Variants in EIF2S1 observed in about 807,000 individuals in gnomAD.
EIF2S1 encodes eukaryotic translation initiation factor 2 subunit 1.
In EIF2S1, 5 loss-of-function variants were observed where a neutral mutation model predicts 33.5. The ratio of observed to expected loss-of-function variants is 0.15; its 90% CI spans 0.08 to 0.31. The LOEUF (loss-of-function observed/expected upper bound fraction) is 0.31, where lower values mean the gene tolerates loss of function less well. Ranked by LOEUF, EIF2S1 falls within the 10% of genes least tolerant of loss-of-function variation. The pLI is 1.00. For synonymous variants in EIF2S1, 99 were observed against 127.5 expected, an observed-to-expected ratio of 0.78 and a Z score of 1.51; for missense variants, 191 against 384.6, an observed-to-expected ratio of 0.50 and a Z score of 4.21.
chr14:67,362,552 C>T (rs562203790), intron 1 of EIF2S1, among the ~76,000 whole-genome samples: 55 of 152,166 alleles, frequency 3.6e-4, no homozygotes, highest in African/African-American at 1.1e-3. Flanking sequence ...AGGATGTTAT[C>T]TTTCCCAAGC....
At chr14:67,362,973 C>CA (rs2085752614) in intron 1 of EIF2S1, among the ~76,000 whole-genome samples, 2 of 152,256 alleles carry the variant, frequency 1.3e-5, no homozygotes, top group South Asian at 4.1e-4. Flanking sequence ...CTTCAGGATT[C>CA]TCTTACATGA....
intron 2 of EIF2S1, among the ~76,000 whole-genome samples, chr14:67,365,270 A>G (rs1431050035): frequency 6.6e-6 from 1 of 152,218 alleles, no homozygotes; most frequent in Non-Finnish European, 1.5e-5. Flanking sequence ...GATCTTGATA[A>G]TTGACTCATG....
intron 2 of EIF2S1, among the ~76,000 whole-genome samples, chr14:67,369,219 G>A (rs904008694): frequency 1.3e-5 from 2 of 152,132 alleles, no homozygotes; most frequent in African/African-American, 4.8e-5. Flanking sequence ...AGGAGACAGT[G>A]TCTATTAATA....
chr14:67,363,090 GTCTTGCAACTGTTCCATACATT>G (rs1169809810), intron 1 of EIF2S1, among the ~76,000 whole-genome samples: 27 of 152,152 alleles, frequency 1.8e-4, no homozygotes, highest in Admixed American at 3.9e-4. Flanking sequence ...CTGGTCAAAT[GTCTTGCAACTGTTCCATACATT>G]TCTGTAACAT....
intron 5 of EIF2S1, among the ~76,000 whole-genome samples, chr14:67,381,207 C>A (rs952765578): frequency 6.6e-6 from 1 of 152,182 alleles, no homozygotes; most frequent in Admixed American, 6.5e-5. Context: ...TAAACCTTAA[C>A]ATAAACCCGT....
intron 2 of EIF2S1, among the ~76,000 whole-genome samples, chr14:67,372,545 T>A (rs1476037242): frequency 6.6e-6 from 1 of 152,168 alleles, no homozygotes; most frequent in Non-Finnish European, 1.5e-5. Context: ...AAATCCTGTA[T>A]CTAGGCTGGG....
intron 3 of EIF2S1, among the ~76,000 whole-genome samples, chr14:67,375,238 G>C (rs1207322550): frequency 7.2e-5 from 3 of 41,424 alleles, no homozygotes; most frequent in African/African-American, 2.6e-4. Context: ...AGTTCTGTGT[G>C]TGTGTGTGTG....
At chr14:67,373,017 A>G (rs766972209) in intron 2 of EIF2S1, among the ~76,000 whole-genome samples, 2 of 152,214 alleles carry the variant, frequency 1.3e-5, no homozygotes, top group African/African-American at 2.4e-5. Context: ...CCACTGCACA[A>G]TCAATAGATT....
intron 4 of EIF2S1, among the ~76,000 whole-genome samples, chr14:67,379,839 A>G (rs1351333359): frequency 6.6e-6 from 1 of 151,106 alleles, no homozygotes; most frequent in East Asian, 1.9e-4. Flanking sequence ...TATTTTTAGT[A>G]GAGACGAGGT....
At position 67,382,525 on chromosome 14, in the gene EIF2S1, C is replaced by G. The variant is rs201866540; in HGVS notation, c.757C>G (p.Gln253Glu). Residue 253 changes from glutamine to glutamate, a missense_variant, in exon 7 of 8, where the codon CAA becomes GAA. Coordinates refer to ENST00000256383, the MANE Select transcript of EIF2S1 (RefSeq NM_004094.5). ...AACAGAAGGCCTTTCTGTCCTCAGT[C>G]AAGCTATGGCTGTTATCAAAGAGAA... ...ERTEGLSVLS[Q>E]AMAVIKEKIE... The G allele has an allele frequency of 1.1e-5, 17 of 1,613,878 alleles. No individual in the cohort carries two copies. In the East Asian group the frequency reaches 3.3e-4, roughly 32 times the overall value.
In EIF2S1 at chr14:67,384,963, C is replaced by T. The variant is rs942136592; in HGVS notation, c.*1523C>T. The T allele has an allele frequency of 2.0e-5, 3 of 152,102 alleles. No homozygotes were observed. Among genetic ancestry groups the T allele is most frequent in the Non-Finnish European group, 2.9e-5 (2 of 68,004 alleles). 9.4% of individuals were successfully genotyped at this position (152,102 alleles called of 1,614,324 possible). A position where few individuals can be genotyped will look rare whatever the true frequency, so the allele number is the denominator to read the frequency against. On this transcript the variant is annotated 3_prime_UTR_variant, in exon 8 of 8. Transcript: ENST00000256383. ...ATATAACAGGTGCTTCTTTGTTGTA[C>T]GCAGAGGAATTTTTTCTTTTGATTT...
At chr14:67,381,827 G>C in intron 6 of EIF2S1, 137 bp downstream of exon 6, 1 of 572,580 alleles carries the variant, frequency 1.7e-6, no homozygotes, top group Non-Finnish European at 3.0e-6. Flanking sequence ...TTGAGCAGTG[G>C]TTCTTGGTAA....
At chr14:67,369,332 T>C (rs1018977670) in intron 2 of EIF2S1, among the ~76,000 whole-genome samples, 2 of 152,258 alleles carry the variant, frequency 1.3e-5, no homozygotes, top group Non-Finnish European at 2.9e-5. Context: ...CAGTCATCAC[T>C]GTGTATGTGC....
At chr14:67,364,035 G>T (rs561311017) in intron 1 of EIF2S1, 1 of 152,260 alleles carries the variant, frequency 6.6e-6, no homozygotes, top group African/African-American at 2.4e-5. Context: ...ATGCTTGGAG[G>T]TTAAGAGAAA....
chr14:67,374,159 C>T (rs1245769468), intron 2 of EIF2S1, among the ~76,000 whole-genome samples: 1 of 152,094 alleles, frequency 6.6e-6, no homozygotes, highest in Non-Finnish European at 1.5e-5. Flanking sequence ...CTTTTGAGCA[C>T]CAACATGACA....
At chr14:67,372,188 A>T (rs2085826826) in intron 2 of EIF2S1, among the ~76,000 whole-genome samples, 1 of 152,242 alleles carries the variant, frequency 6.6e-6, no homozygotes, top group South Asian at 2.1e-4. Context: ...CAAAAGTACA[A>T]AGGCAGCTGA....
At chr14:67,365,139 A>C in intron 2 of EIF2S1, 131 bp downstream of exon 2, 2 of 1,004,488 alleles carry the variant, frequency 2.0e-6, no homozygotes, top group Non-Finnish European at 1.4e-6. Context: ...TTTACATACA[A>C]AGTTGTTAGA....
chr14:67,382,816 CTA>C, intron 7 of EIF2S1: 1 of 536,422 alleles, frequency 1.9e-6, no homozygotes, highest in Admixed American at 3.5e-5. Flanking sequence ...TGTGGCATGT[CTA>C]AAATTTGATC....
chr14:67,366,335 G>A (rs2085778860), intron 2 of EIF2S1, among the ~76,000 whole-genome samples: 3 of 152,262 alleles, frequency 2.0e-5, no homozygotes, highest in South Asian at 4.1e-4. Flanking sequence ...GCCTCACAAA[G>A]TACTGGGATT....
Sources: gnomAD v4.1 joint callset for allele counts (sites outside exome capture counted in the v4.1 genomes callset) on GRCh38, gnomAD v4.1.1 for gene constraint, MANE v1.5 for transcripts, NCBI Gene and HGNC (gene_info 2026-07-23, HGNC 2026-07-21) for gene names.